Variants in CDH12 observed in about 807,000 individuals in gnomAD.
The protein encoded by CDH12 is cadherin-12.
A neutral mutation model predicts 74.1 loss-of-function variants in CDH12; 41 were observed. That is an observed-to-expected ratio of 0.55 (90% confidence interval 0.43 to 0.72). The LOEUF (loss-of-function observed/expected upper bound fraction) is 0.72, where lower values mean the gene tolerates loss of function less well. Among genes scored for constraint, CDH12 ranks in the 30% least tolerant of loss-of-function variants. The pLI, the probability that CDH12 is intolerant of heterozygous loss-of-function variation, is 0.00. For synonymous variants in CDH12, 399 were observed against 355.0 expected (o/e 1.12, Z -1.39); for missense variants, 945 against 977.2 (o/e 0.97, Z 0.44).
Position 22,499,788 on chromosome 5 carries a change from CAA to C in CDH12, c.-428+5480_-428+5481del, listed in dbSNP as rs1215375240. ...CAAAGATAAGGCAGTGTGACTTTCT[CAA>C]AAGTCAGATGAAATCATTTAAAAAT... On this transcript the variant is annotated intron_variant, in intron 2 of 14. Transcript: ENST00000382254. 7.2e-5 allele frequency among the ~76,000 whole-genome samples: 11 copies of C among 152,092 alleles called. No individual in the cohort carries two copies. In the East Asian group the frequency reaches 1.5e-3, roughly 21 times the overall value.
Position 22,777,701 on chromosome 5 carries a change from G to T in CDH12, c.-523+75357C>A, listed in dbSNP as rs557673355. Among the ~76,000 whole-genome samples, 8 of 151,984 alleles carry T rather than the reference G, an allele frequency of 5.3e-5. No individual in the cohort carries two copies. In the South Asian group the frequency reaches 1.7e-3, roughly 32 times the overall value. On this transcript the variant is annotated intron_variant, in intron 1 of 14. Coordinates refer to ENST00000382254, the MANE Select transcript of CDH12 (RefSeq NM_004061.5). ...TTCTGGTGGCAGAGGTTCAAGGAAAGGTGTTCGTCATTATAAATTTTGATT... is the reference window on the plus strand; with the variant it reads ...TTCTGGTGGCAGAGGTTCAAGGAAATGTGTTCGTCATTATAAATTTTGATT...
At chr5:22,660,529 A>C (rs969521970) in intron 1 of CDH12, among the ~76,000 whole-genome samples, 1 of 152,136 alleles carries the variant, frequency 6.6e-6, no homozygotes, top group Non-Finnish European at 1.5e-5. Flanking sequence ...CTCTCGTCTC[A>C]GCCCCCGGAG....
chr5:22,239,520 T>A (rs933938240), intron 3 of CDH12, among the ~76,000 whole-genome samples: 1 of 152,056 alleles, frequency 6.6e-6, no homozygotes, highest in African/African-American at 2.4e-5. Context: ...AAATTAAAAT[T>A]ATGATTGAAA....
chr5:22,216,892 G>T (rs1751824762), intron 3 of CDH12, among the ~76,000 whole-genome samples: 1 of 151,752 alleles, frequency 6.6e-6, no homozygotes, highest in Non-Finnish European at 1.5e-5. Flanking sequence ...AATTTCATTG[G>T]AAAATTTGAG....
intron 3 of CDH12, among the ~76,000 whole-genome samples, chr5:22,391,399 T>C (rs1742242405): frequency 6.6e-6 from 1 of 152,202 alleles, no homozygotes; most frequent in Non-Finnish European, 1.5e-5. Context: ...TGCCAGCCAT[T>C]TGAATGCAGA....
intron 1 of CDH12, among the ~76,000 whole-genome samples, chr5:22,720,921 A>G (rs1320977848): frequency 6.6e-6 from 1 of 152,156 alleles, no homozygotes. Flanking sequence ...GGGGAAGAAG[A>G]GTGTAAAAGT....
intron 6 of CDH12, chr5:21,883,152 G>C: frequency 6.6e-7 from 1 of 1,525,290 alleles, no homozygotes; most frequent in Non-Finnish European, 9.1e-7. Context: ...TATCATCTCT[G>C]ATGCAATGAA....
chr5:22,088,386 C>A (rs976195918), intron 4 of CDH12, among the ~76,000 whole-genome samples: 1 of 152,046 alleles, frequency 6.6e-6, no homozygotes, highest in Non-Finnish European at 1.5e-5. Context: ...TCAGACCCAC[C>A]AAGTCAAGCA....
In CDH12 at chr5:22,048,616, A is replaced by G. The variant is rs182205384; in HGVS notation, c.231+29830T>C. ...AAGGAAAAAATATTAAGTTGCTAAA[A>G]TATGGAAAAATAAAAATATCAAGTG... On this transcript the variant is annotated intron_variant, in intron 5 of 14. Coordinates refer to ENST00000382254, the MANE Select transcript of CDH12 (RefSeq NM_004061.5). Among the ~76,000 whole-genome samples, 780 of 152,302 alleles carry G rather than the reference A, an allele frequency of 5.1e-3. 7 individuals are homozygous for G. Among genetic ancestry groups the G allele is most frequent in the African/African-American group, 0.018 (738 of 41,578 alleles).
intron 1 of CDH12, among the ~76,000 whole-genome samples, chr5:22,618,720 T>C (rs1203877664): frequency 1.3e-5 from 2 of 152,120 alleles, no homozygotes; most frequent in African/African-American, 2.4e-5. Context: ...CCTTCTGATT[T>C]GGTTTGGCTG....
At chr5:22,373,130 C>T (rs916046386) in intron 3 of CDH12, among the ~76,000 whole-genome samples, 4 of 152,152 alleles carry the variant, frequency 2.6e-5, no homozygotes, top group African/African-American at 9.7e-5. Context: ...AGCCAAGTCC[C>T]ATTCCCCCAG....
chr5:22,587,327 T>C (rs941466650), intron 1 of CDH12, among the ~76,000 whole-genome samples: 1 of 152,116 alleles, frequency 6.6e-6, no homozygotes, highest in African/African-American at 2.4e-5. Context: ...ACCTTGGCCT[T>C]CCCAGAACAC....
At chr5:22,000,356 A>G (rs75657975) in intron 5 of CDH12, among the ~76,000 whole-genome samples, 3 of 151,878 alleles carry the variant, frequency 2.0e-5, no homozygotes, top group Non-Finnish European at 2.9e-5. Context: ...AAAATGCCAC[A>G]TAGAACACTG....
chr5:22,638,077 C>T (rs1458165930), intron 1 of CDH12, among the ~76,000 whole-genome samples: 3 of 152,146 alleles, frequency 2.0e-5, no homozygotes, highest in Non-Finnish European at 4.4e-5. Context: ...GGATTGAGAA[C>T]AGCCAATACA....
At chr5:22,400,570 A>G (rs1386138843) in intron 3 of CDH12, among the ~76,000 whole-genome samples, 1 of 152,068 alleles carries the variant, frequency 6.6e-6, no homozygotes, top group Non-Finnish European at 1.5e-5. Context: ...TGCTGGAATT[A>G]CAGATGTGAA....
At chr5:22,628,946 A>T (rs1738438468) in intron 1 of CDH12, among the ~76,000 whole-genome samples, 1 of 152,052 alleles carries the variant, frequency 6.6e-6, no homozygotes, top group Admixed American at 6.6e-5. Flanking sequence ...ATAAAAAAAA[A>T]AAATCTCTCA....
intron 2 of CDH12, among the ~76,000 whole-genome samples, chr5:22,465,671 A>AAGAAC (rs200502687): frequency 1.4e-4 from 21 of 152,170 alleles, no homozygotes; most frequent in East Asian, 5.8e-4. Context: ...AAAAACATGT[A>AAGAAC]AGAACAGAAC....
chr5:22,473,961 T>C (rs1746067681), intron 2 of CDH12, among the ~76,000 whole-genome samples: 1 of 152,100 alleles, frequency 6.6e-6, no homozygotes, highest in Non-Finnish European at 1.5e-5. Flanking sequence ...ATAATTTGAA[T>C]AACTGGCCCA....
chr5:22,030,250 A>T (rs911021002), intron 5 of CDH12, among the ~76,000 whole-genome samples: 13 of 152,108 alleles, frequency 8.5e-5, no homozygotes, highest in African/African-American at 3.1e-4. Context: ...TGTACCCCAA[A>T]ACTTAAAGTT....
Sources: allele counts gnomAD v4.1 joint callset (sites outside exome capture counted in the v4.1 genomes callset), GRCh38; gene constraint gnomAD v4.1.1; transcripts MANE v1.5; gene names NCBI Gene and HGNC (gene_info 2026-07-23, HGNC 2026-07-21).